ST6GALNAC5: variants seen among roughly 807,000 people sequenced by gnomAD.
ST6GALNAC5 encodes the protein ST6 N-acetylgalactosaminide alpha-2,6-sialyltransferase 5, also known as alpha-N-acetylgalactosaminide alpha-2,6-sialyltransferase 5.
A neutral mutation model predicts 33.6 loss-of-function variants in ST6GALNAC5; 27 were observed. The observed-to-expected ratio is 0.80, with a 90% CI of 0.59 to 1.11. The LOEUF is 1.11. Ranked by LOEUF, ST6GALNAC5 falls within the 50% of genes least tolerant of loss-of-function variation. ST6GALNAC5 has a pLI of 0.00. For synonymous variants in ST6GALNAC5, 194 were observed against 171.2 expected (o/e 1.13, Z -1.04); for missense variants, 428 against 454.0 (o/e 0.94, Z 0.52).
At chr1:76,949,523 C>T (rs1446038543) in intron 2 of ST6GALNAC5, among the ~76,000 whole-genome samples, 1 of 152,120 alleles carries the variant, frequency 6.6e-6, no homozygotes, top group Admixed American at 6.5e-5. Flanking sequence ...TCCTTTTGGC[C>T]TCTCTGAGCT....
intron 3 of ST6GALNAC5, among the ~76,000 whole-genome samples, chr1:77,045,329 TAGGTA>T (rs1651971753): frequency 6.6e-6 from 1 of 152,166 alleles, no homozygotes; most frequent in African/African-American, 2.4e-5. Flanking sequence ...CATAGTAAGT[TAGGTA>T]AGGTATTGTT....
intron 2 of ST6GALNAC5, among the ~76,000 whole-genome samples, chr1:76,993,734 G>A (rs991232714): frequency 1.3e-5 from 2 of 151,884 alleles, no homozygotes; most frequent in Non-Finnish European, 2.9e-5. Flanking sequence ...TTTAGCTTTC[G>A]GCTCTGGAAA....
Position 77,065,721 on chromosome 1 carries a change from AG to A in ST6GALNAC5, c.*2516del. ...AAACTCTGATATAAAAGATGACTAC[AG>A]AACCATGTTTATAGACCTCGGTGAT... On this transcript the variant is annotated 3_prime_UTR_variant, in exon 5 of 5. Transcript: ENST00000477717. 1 of 152,256 alleles carries A rather than the reference AG, an allele frequency of 6.6e-6. No individual in the cohort carries two copies. The highest frequency in any genetic ancestry group is 2.4e-5 in the African/African-American group (1 of 41,476). The allele number at this position is 152,256 out of a possible 1,614,324, so 9.4% of individuals were successfully genotyped here.
chr1:76,917,428 C>A (rs1399290301), intron 2 of ST6GALNAC5, among the ~76,000 whole-genome samples: 1 of 152,000 alleles, frequency 6.6e-6, no homozygotes, highest in Non-Finnish European at 1.5e-5. Context: ...TATTATTGAT[C>A]TACGATAACT....
chr1:77,041,081 G>A (rs2100458631), intron 2 of ST6GALNAC5, among the ~76,000 whole-genome samples: 1 of 152,286 alleles, frequency 6.6e-6, no homozygotes, highest in Non-Finnish European at 1.5e-5. Flanking sequence ...AGACTATTTT[G>A]GCCGAAGTCA....
chr1:76,908,685 A>G (rs1203255813), intron 2 of ST6GALNAC5, among the ~76,000 whole-genome samples: 3 of 152,018 alleles, frequency 2.0e-5, no homozygotes, highest in Non-Finnish European at 4.4e-5. Context: ...CACTCCCTTC[A>G]CATAGCACCT....
intron 2 of ST6GALNAC5, among the ~76,000 whole-genome samples, chr1:76,946,494 G>C (rs1647522921): frequency 6.6e-6 from 1 of 152,088 alleles, no homozygotes; most frequent in African/African-American, 2.4e-5. Flanking sequence ...CCTCCAACTA[G>C]AATGAAATGA....
At chr1:76,965,229 C>T (rs1352424198) in intron 2 of ST6GALNAC5, among the ~76,000 whole-genome samples, 2 of 151,678 alleles carry the variant, frequency 1.3e-5, no homozygotes, top group African/African-American at 4.9e-5. Flanking sequence ...CCCCCACCAA[C>T]AGTGTAAAAG....
chr1:77,063,110 G>A lies in ST6GALNAC5; in HGVS notation c.915G>A (p.Lys305=), dbSNP rs1465111593. The A allele has an allele frequency of 3.7e-6, 6 of 1,613,898 alleles. No individual in the cohort carries two copies. Among genetic ancestry groups the A allele is most frequent in the Non-Finnish European group, 5.1e-6 (6 of 1,179,872 alleles). ...TTATCACAGAGAAACGAGTCTTTAA[G>A]AACTGGGCACGGACATTCAATATTC... ...HRFITEKRVF[K]NWARTFNIHF... is the part of the protein sequence containing the mutation. The change falls in exon 5 of 5, where the codon AAG becomes AAA. Residue 305 remains lysine (K), a synonymous_variant. Transcript: ENST00000477717.
chr1:76,915,728 G>C (rs1484207722), intron 2 of ST6GALNAC5, among the ~76,000 whole-genome samples: 1 of 151,752 alleles, frequency 6.6e-6, no homozygotes, highest in Non-Finnish European at 1.5e-5. Flanking sequence ...AGCATTAGGA[G>C]ATATACCTAA....
chr1:76,910,471 C>T (rs142556587), intron 2 of ST6GALNAC5, among the ~76,000 whole-genome samples: 30 of 151,976 alleles, frequency 2.0e-4, no homozygotes, highest in African/African-American at 6.7e-4. Flanking sequence ...AGAAATCAAC[C>T]AAACATTTTT....
intron 2 of ST6GALNAC5, among the ~76,000 whole-genome samples, chr1:77,031,663 A>G (rs918980243): frequency 6.6e-6 from 1 of 152,208 alleles, no homozygotes; most frequent in Non-Finnish European, 1.5e-5. Context: ...CTTGCTCTAT[A>G]CTCAAGCATG....
intron 2 of ST6GALNAC5, among the ~76,000 whole-genome samples, chr1:76,980,392 T>C (rs1649201109): frequency 6.6e-6 from 1 of 152,224 alleles, no homozygotes; most frequent in African/African-American, 2.4e-5. Flanking sequence ...TTCTTAAAAT[T>C]TGTTGAAGTT....
intron 2 of ST6GALNAC5, among the ~76,000 whole-genome samples, chr1:77,005,910 C>A (rs1028831594): frequency 6.6e-6 from 1 of 152,222 alleles, no homozygotes; most frequent in African/African-American, 2.4e-5. Flanking sequence ...ATATGTTCTA[C>A]TCCATGTTAT....
chr1:76,950,259 C>T lies in ST6GALNAC5; in HGVS notation c.261+81517C>T, dbSNP rs114734580. 4.7e-3 allele frequency among the ~76,000 whole-genome samples: 722 copies of T among 152,216 alleles called. 5 individuals are homozygous for T. The highest frequency in any genetic ancestry group is 0.016 in the African/African-American group (679 of 41,540). On this transcript the variant is annotated intron_variant, in intron 2 of 4. Coordinates refer to ENST00000477717, the MANE Select transcript of ST6GALNAC5 (RefSeq NM_030965.3). Reference sequence around the variant, plus strand: ...TCTACCGTGCTAAATAATTCATAGACACATGAATCTGGTATCAAGAACAGT... The same window carrying T: ...TCTACCGTGCTAAATAATTCATAGATACATGAATCTGGTATCAAGAACAGT...
intron 2 of ST6GALNAC5, among the ~76,000 whole-genome samples, chr1:77,005,582 A>T (rs912052845): frequency 3.3e-5 from 5 of 152,216 alleles, no homozygotes; most frequent in Non-Finnish European, 5.9e-5. Context: ...AATTGTTTTT[A>T]AGTGTACAAT....
At chr1:76,916,239 A>T (rs956454856) in intron 2 of ST6GALNAC5, among the ~76,000 whole-genome samples, 1 of 152,176 alleles carries the variant, frequency 6.6e-6, no homozygotes, top group African/African-American at 2.4e-5. Context: ...GACAGACTGG[A>T]CTAAGCCAGC....
At chr1:76,981,659 C>T (rs1649256622) in intron 2 of ST6GALNAC5, among the ~76,000 whole-genome samples, 3 of 56,492 alleles carry the variant, frequency 5.3e-5, no homozygotes, top group Non-Finnish European at 1.1e-4. Flanking sequence ...TGCATTTGAG[C>T]TCGAGAATGG....
chr1:76,969,188 T>C (rs1161828108), intron 2 of ST6GALNAC5, among the ~76,000 whole-genome samples: 1 of 152,102 alleles, frequency 6.6e-6, no homozygotes, highest in Non-Finnish European at 1.5e-5. Context: ...GTGTAGCCCA[T>C]GGAGGGCAAG....
Sources: allele counts gnomAD v4.1 joint callset (sites outside exome capture counted in the v4.1 genomes callset), GRCh38; gene constraint gnomAD v4.1.1; transcripts MANE v1.5; gene names NCBI Gene and HGNC (gene_info 2026-07-23, HGNC 2026-07-21).